GREB1: variants seen among roughly 807,000 people sequenced by gnomAD.
GREB1 encodes protein GREB1.
In GREB1, 106 loss-of-function variants were observed where a neutral mutation model predicts 200.7. That is an observed-to-expected ratio of 0.53 (90% CI 0.45 to 0.62). GREB1 has a LOEUF of 0.62. GREB1 is among the 20% of genes least tolerant of loss of function. GREB1 has a pLI of 0.00. For missense variants in GREB1, 2,243 were observed against 2,556.8 expected, an observed-to-expected ratio of 0.88 and a Z score of 2.65; for synonymous variants, 1,132 against 1,092.4, an observed-to-expected ratio of 1.04 and a Z score of -0.72.
At chr2:11,626,825 G>A (rs1684499740) in intron 24 of GREB1, 137 bp from the exon 25 acceptor site, 1 of 812,548 alleles carries the variant, frequency 1.2e-6, no homozygotes, top group Non-Finnish European at 2.0e-6. Flanking sequence ...GCCCAGGGAG[G>A]TGAGAGGCAG....
At chr2:11,621,622 C>A (rs1215983089) in intron 23 of GREB1, among the ~76,000 whole-genome samples, 2 of 152,212 alleles carry the variant, frequency 1.3e-5, no homozygotes, top group African/African-American at 4.8e-5. Flanking sequence ...CCCAGTGGCT[C>A]ATAAACTTGG....
At position 11,598,720 on chromosome 2, in the gene GREB1, G is replaced by A. The variant is rs201947141; in HGVS notation, c.2193G>A (p.Thr731=). The A allele has an allele frequency of 2.8e-3, 4,448 of 1,614,176 alleles. 4 individuals carry two copies. Among genetic ancestry groups the A allele is most frequent in the Non-Finnish European group, 3.5e-3 (4,107 of 1,180,016 alleles). ...LELGLKKEHM[T]KQRVEQYVLK... The stretch of plus-strand genomic sequence containing the variant: ...TTGGTCTGAAGAAAGAGCACATGAC[G>A]AAGCAGAGGGTGGAACAGTATGTTC... Residue 731 remains threonine, a synonymous_variant, in exon 15 of 33, where the codon ACG becomes ACA. Transcript: ENST00000381486.
chr2:11,607,531 CATATATATACAT>C (rs1292413122), intron 17 of GREB1, among the ~76,000 whole-genome samples: 5 of 140,570 alleles, frequency 3.6e-5, no homozygotes, highest in Non-Finnish European at 7.5e-5. Flanking sequence ...TATATATACA[CATATATATACAT>C]ATATGTACAT....
chr2:11,517,164 A>C (rs1375988994), intron 1 of GREB1, among the ~76,000 whole-genome samples: 4 of 152,174 alleles, frequency 2.6e-5, no homozygotes, highest in African/African-American at 9.7e-5. Flanking sequence ...CTCCAAGGCC[A>C]GGCTGGCCCT....
chr2:11,604,431 C>T (rs758064552), intron 17 of GREB1, among the ~76,000 whole-genome samples: 1 of 152,172 alleles, frequency 6.6e-6, no homozygotes, highest in Non-Finnish European at 1.5e-5. Context: ...ACATTACATG[C>T]TTCTGTTGGC....
intron 7 of GREB1, among the ~76,000 whole-genome samples, chr2:11,583,182 T>A (rs1211198358): frequency 2.0e-5 from 3 of 152,244 alleles, no homozygotes; most frequent in Non-Finnish European, 4.4e-5. Context: ...TAGGGTTATC[T>A]TCCCAAAGTG....
intron 3 of GREB1, among the ~76,000 whole-genome samples, chr2:11,564,645 C>T (rs1455571443): frequency 2.6e-5 from 4 of 152,244 alleles, no homozygotes; most frequent in African/African-American, 9.6e-5. Context: ...GCATGGACCA[C>T]ACTGGGCTGG....
chr2:11,607,495 C>CAT (rs1368769933), intron 17 of GREB1, among the ~76,000 whole-genome samples: 3 of 139,988 alleles, frequency 2.1e-5, no homozygotes, highest in South Asian at 2.3e-4. Context: ...TATATATACA[C>CAT]ATATATATAC....
intron 1 of GREB1, among the ~76,000 whole-genome samples, chr2:11,541,892 G>T (rs4669746): frequency 6.6e-6 from 1 of 151,944 alleles, no homozygotes; most frequent in African/African-American, 2.4e-5. Flanking sequence ...CCTTGTATAC[G>T]TTCTGCCTGG....
At chr2:11,485,428 C>A (rs1672634858) in intron 1 of GREB1, among the ~76,000 whole-genome samples, 1 of 151,934 alleles carries the variant, frequency 6.6e-6, no homozygotes, top group African/African-American at 2.4e-5. Context: ...TGTGCACCTC[C>A]ATGCCCAGCT....
intron 15 of GREB1, among the ~76,000 whole-genome samples, chr2:11,600,412 C>T (rs1482461022): frequency 6.6e-6 from 1 of 152,162 alleles, no homozygotes; most frequent in Non-Finnish European, 1.5e-5. Context: ...TACATCTTTT[C>T]TGGATCATTT....
chr2:11,520,292 A>T (rs1164952571), intron 1 of GREB1, among the ~76,000 whole-genome samples: 1 of 152,248 alleles, frequency 6.6e-6, no homozygotes, highest in Non-Finnish European at 1.5e-5. Flanking sequence ...ATTATCATAG[A>T]TCTATTGGCT....
upstream of GREB1, among the ~76,000 whole-genome samples, chr2:11,530,669 A>G (rs13010352): frequency 7.9e-3 from 1 of 126 alleles, no homozygotes; most frequent in Non-Finnish European, 0.012. Flanking sequence ...ATGTGAGTTA[A>G]TGGGGGGCAG....
At chr2:11,546,805 T>C (rs1167516064) in intron 1 of GREB1, among the ~76,000 whole-genome samples, 1 of 152,184 alleles carries the variant, frequency 6.6e-6, no homozygotes, top group Non-Finnish European at 1.5e-5. Flanking sequence ...TTTAGAACTT[T>C]AGAGGAATGC....
intron 17 of GREB1, among the ~76,000 whole-genome samples, chr2:11,607,483 CAT>C (rs200426230): frequency 0.022 from 3,125 of 141,340 alleles, 67 homozygotes; most frequent in Admixed American, 0.062. Context: ...CACACACATA[CAT>C]ATATATACAC....
intron 9 of GREB1, chr2:11,588,401 A>C: frequency 1.7e-6 from 1 of 595,046 alleles, no homozygotes; most frequent in Non-Finnish European, 2.5e-6. Context: ...CTCTGCCCAC[A>C]AGGTGTCCCA....
intron 32 of GREB1, 78 bp downstream of exon 32, chr2:11,638,887 G>A (rs1407028763): frequency 6.9e-7 from 1 of 1,444,402 alleles, no homozygotes; most frequent in African/African-American, 1.4e-5. Context: ...GGGACCTTTG[G>A]TCCTAGTCCT....
intron 25 of GREB1, among the ~76,000 whole-genome samples, chr2:11,628,794 AG>A (rs1684655355): frequency 1.3e-5 from 2 of 152,076 alleles, no homozygotes; most frequent in Admixed American, 1.3e-4. Flanking sequence ...CAGAGTGCAG[AG>A]GAGGAGGAGA....
intron 1 of GREB1, among the ~76,000 whole-genome samples, chr2:11,517,801 G>A (rs923799223): frequency 2.6e-5 from 4 of 152,088 alleles, no homozygotes; most frequent in East Asian, 1.9e-4. Flanking sequence ...ACAGGTGCCC[G>A]CCGCCATGCC....
Sources: allele counts gnomAD v4.1 joint callset (sites outside exome capture counted in the v4.1 genomes callset), GRCh38; gene constraint gnomAD v4.1.1; transcripts MANE v1.5; gene names NCBI Gene and HGNC (gene_info 2026-07-23, HGNC 2026-07-21).